Variants in STXBP5L observed in about 807,000 individuals in gnomAD.
The protein encoded by STXBP5L is syntaxin binding protein 5L.
Under a neutral mutation model 144.5 loss-of-function variants are expected in STXBP5L, and 65 were observed. That is an observed-to-expected ratio of 0.45 (90% CI 0.37 to 0.55). The LOEUF is 0.55. Ranked by LOEUF, STXBP5L falls within the 20% of genes least tolerant of loss-of-function variation. STXBP5L has a pLI of 0.00. For missense variants in STXBP5L, 1,298 were observed against 1,405.5 expected (o/e 0.92, Z 1.22); for synonymous variants, 505 against 469.6 (o/e 1.08, Z -0.97).
At chr3:120,955,184 A>G (rs918505197) in intron 3 of STXBP5L, 147 bp downstream of exon 3, 2 of 600,184 alleles carry the variant, frequency 3.3e-6, no homozygotes, top group African/African-American at 3.8e-5. Flanking sequence ...GCACTTTCAA[A>G]TTTATTGGCA....
chr3:121,256,462 T>G (rs1319595329), intron 16 of STXBP5L, among the ~76,000 whole-genome samples: 2 of 152,010 alleles, frequency 1.3e-5, no homozygotes, highest in African/African-American at 4.8e-5. Flanking sequence ...GTTTTAAAAC[T>G]TTTTTAGTTT....
intron 20 of STXBP5L, among the ~76,000 whole-genome samples, chr3:121,333,556 C>CAAA (rs35689465): frequency 1.2e-4 from 17 of 136,024 alleles, no homozygotes; most frequent in African/African-American, 4.0e-4. Context: ...GACACACACA[C>CAAA]AAAAAAAAAA....
At chr3:121,258,424 ATTGATTGTCC>A (rs1196429166) in intron 17 of STXBP5L, among the ~76,000 whole-genome samples, 8 of 152,204 alleles carry the variant, frequency 5.3e-5, no homozygotes, top group African/African-American at 1.9e-4. Flanking sequence ...TTTTGTAATC[ATTGATTGTCC>A]TCTCAAAATT....
intron 22 of STXBP5L, among the ~76,000 whole-genome samples, chr3:121,393,042 C>T (rs1332589046): frequency 6.6e-6 from 1 of 151,824 alleles, no homozygotes; most frequent in African/African-American, 2.4e-5. Flanking sequence ...AAACTAATTC[C>T]CACCAATACT....
chr3:121,034,594 A>T (rs961610641), intron 3 of STXBP5L, among the ~76,000 whole-genome samples: 2 of 151,176 alleles, frequency 1.3e-5, no homozygotes, highest in African/African-American at 2.4e-5. Context: ...GTATCTATCT[A>T]GCTCACATTT....
At chr3:121,349,829 G>C (rs571513142) in intron 20 of STXBP5L, among the ~76,000 whole-genome samples, 3 of 151,706 alleles carry the variant, frequency 2.0e-5, no homozygotes, top group Non-Finnish European at 4.4e-5. Flanking sequence ...TCCTCCATCC[G>C]TTTATTTTGA....
intron 2 of STXBP5L, among the ~76,000 whole-genome samples, chr3:120,914,437 A>G (rs185378422): frequency 6.6e-6 from 1 of 152,102 alleles, no homozygotes; most frequent in Non-Finnish European, 1.5e-5. Flanking sequence ...AATGATGCTC[A>G]TATCTGACAT....
intron 3 of STXBP5L, among the ~76,000 whole-genome samples, chr3:121,033,718 TTA>T (rs1946547249): frequency 6.6e-6 from 1 of 151,978 alleles, no homozygotes; most frequent in South Asian, 2.1e-4. Flanking sequence ...CTATATATTC[TTA>T]TAAGTAAGAA....
intron 20 of STXBP5L, among the ~76,000 whole-genome samples, chr3:121,338,940 T>C (rs973042301): frequency 9.2e-5 from 14 of 152,180 alleles, no homozygotes; most frequent in Non-Finnish European, 7.4e-5. Flanking sequence ...CCAAGGGCCA[T>C]ACAAATTCAC....
intron 11 of STXBP5L, among the ~76,000 whole-genome samples, chr3:121,224,310 A>G (rs1401208887): frequency 6.6e-6 from 1 of 152,202 alleles, no homozygotes; most frequent in African/African-American, 2.4e-5. Context: ...AACTTACTTT[A>G]AATTATTTAG....
In STXBP5L at chr3:121,152,561, G is replaced by T; in HGVS notation, c.753+1G>T. 1 of 1,593,246 alleles carries T rather than the reference G, an allele frequency of 6.3e-7. No individual in the cohort carries two copies. The highest frequency in any genetic ancestry group is 8.6e-7 in the Non-Finnish European group (1 of 1,166,752). On this transcript the variant is annotated splice_donor_variant, in intron 8 of 26. Transcript: ENST00000471454. LOFTEE classifies it high-confidence loss of function. ...AGAACTGAGAGTTTATTATGATGAG[G>T]TAAGTGATTTCTACCGACATGTTTG...
At chr3:121,020,308 A>T (rs188071497) in intron 3 of STXBP5L, among the ~76,000 whole-genome samples, 1 of 152,330 alleles carries the variant, frequency 6.6e-6, no homozygotes, top group East Asian at 1.9e-4. Flanking sequence ...CCCCAGGAAG[A>T]GGAGAAATCT....
intron 3 of STXBP5L, among the ~76,000 whole-genome samples, chr3:120,991,961 TAAA>T (rs924732067): frequency 6.6e-6 from 1 of 152,168 alleles, no homozygotes; most frequent in East Asian, 1.9e-4. Context: ...TAAAGTATAA[TAAA>T]AAAAATCCAT....
At chr3:120,959,505 T>G (rs1938482565) in intron 3 of STXBP5L, among the ~76,000 whole-genome samples, 1 of 152,146 alleles carries the variant, frequency 6.6e-6, no homozygotes, top group Admixed American at 6.5e-5. Context: ...CAAACTATAC[T>G]ACAAGGCTAC....
At chr3:121,069,786 A>T (rs2107657131) in intron 5 of STXBP5L, among the ~76,000 whole-genome samples, 1 of 152,198 alleles carries the variant, frequency 6.6e-6, no homozygotes, top group South Asian at 2.1e-4. Flanking sequence ...TATGAGATTG[A>T]GGTCAAGGTT....
intron 5 of STXBP5L, among the ~76,000 whole-genome samples, chr3:121,075,501 G>T (rs574344182): frequency 1.3e-5 from 2 of 152,198 alleles, no homozygotes; most frequent in South Asian, 4.2e-4. Flanking sequence ...TATAAGCTTG[G>T]TAATATGCCT....
chr3:121,049,915 C>T (rs1228747270), intron 5 of STXBP5L, among the ~76,000 whole-genome samples: 1 of 152,144 alleles, frequency 6.6e-6, no homozygotes, highest in Non-Finnish European at 1.5e-5. Flanking sequence ...GCCCTGGTTG[C>T]AGGGATCATG....
intron 5 of STXBP5L, among the ~76,000 whole-genome samples, chr3:121,061,034 T>C (rs1006245130): frequency 1.3e-5 from 2 of 152,190 alleles, no homozygotes; most frequent in Non-Finnish European, 2.9e-5. Context: ...TGTTTGCTCT[T>C]GCTTTTTTAG....
At chr3:121,052,614 C>G (rs1386299569) in intron 5 of STXBP5L, among the ~76,000 whole-genome samples, 3 of 152,092 alleles carry the variant, frequency 2.0e-5, no homozygotes, top group South Asian at 2.1e-4. Context: ...TAAGAGCTAT[C>G]TATGACAAAC....
Sources: allele counts gnomAD v4.1 joint callset (sites outside exome capture counted in the v4.1 genomes callset), GRCh38; gene constraint gnomAD v4.1.1; transcripts MANE v1.5; gene names NCBI Gene and HGNC (gene_info 2026-07-23, HGNC 2026-07-21).